Variants in GNG12 observed in about 807,000 individuals in gnomAD.
GNG12 encodes guanine nucleotide-binding protein G(I)/G(S)/G(O) subunit gamma-12.
For synonymous variants in GNG12, 28 were observed against 29.7 expected (o/e 0.94, Z 0.19); for missense variants, 69 against 83.8 (o/e 0.82, Z 0.69).
intron 1 of GNG12, among the ~76,000 whole-genome samples, chr1:67,801,468 A>G (rs150650278): frequency 3.3e-5 from 5 of 152,342 alleles, no homozygotes; most frequent in Non-Finnish European, 7.3e-5. Flanking sequence ...TGATTTCTTC[A>G]AAGTGATAGA....
At chr1:67,798,287 C>T (rs1026401121) in intron 1 of GNG12, among the ~76,000 whole-genome samples, 31 of 152,110 alleles carry the variant, frequency 2.0e-4, no homozygotes, top group Admixed American at 1.6e-3. Context: ...ACTGTGCATG[C>T]GCAGAATCTA....
At chr1:67,792,192 C>T (rs368268589) in intron 1 of GNG12, among the ~76,000 whole-genome samples, 2 of 151,678 alleles carry the variant, frequency 1.3e-5, no homozygotes, top group South Asian at 4.2e-4. Context: ...ATTCCCTCTC[C>T]TTCACTGGAA....
intron 2 of GNG12, among the ~76,000 whole-genome samples, chr1:67,728,908 T>A (rs1203056878): frequency 6.6e-6 from 1 of 152,260 alleles, no homozygotes; most frequent in African/African-American, 2.4e-5. Flanking sequence ...GGCACCACTG[T>A]TGGTAGTTCA....
chr1:67,803,108 T>C (rs1204227211), intron 1 of GNG12, among the ~76,000 whole-genome samples: 1 of 152,234 alleles, frequency 6.6e-6, no homozygotes, highest in Admixed American at 6.5e-5. Flanking sequence ...TCTCAGGGGA[T>C]ACAAGTAAAA....
At chr1:67,771,183 G>A (rs753791846) in intron 2 of GNG12, among the ~76,000 whole-genome samples, 10 of 152,204 alleles carry the variant, frequency 6.6e-5, no homozygotes, top group Non-Finnish European at 1.5e-4. Flanking sequence ...GAATGAAGCT[G>A]AGTCTTAACT....
At chr1:67,819,404 C>T (rs1034028945) in intron 1 of GNG12, among the ~76,000 whole-genome samples, 8 of 152,166 alleles carry the variant, frequency 5.3e-5, no homozygotes, top group Admixed American at 1.3e-4. Flanking sequence ...CTGTGATCTT[C>T]GTTTACTGAA....
intron 2 of GNG12, among the ~76,000 whole-genome samples, chr1:67,725,222 A>G (rs1201558257): frequency 6.6e-6 from 1 of 152,232 alleles, no homozygotes; most frequent in East Asian, 1.9e-4. Context: ...GGAAAGGCCC[A>G]ACACTGTGGT....
chr1:67,811,227 C>T (rs1441388138), intron 1 of GNG12, among the ~76,000 whole-genome samples: 1 of 152,108 alleles, frequency 6.6e-6, no homozygotes, highest in East Asian at 1.9e-4. Flanking sequence ...AAAGCTGATC[C>T]GTGGAACACA....
chr1:67,785,377 ACTT>A (rs1646762132), intron 1 of GNG12, among the ~76,000 whole-genome samples: 1 of 152,182 alleles, frequency 6.6e-6, no homozygotes, highest in East Asian at 1.9e-4. Flanking sequence ...CAAAAATACC[ACTT>A]CTTCTCCCAA....
chr1:67,826,568 T>C (rs901215998), intron 1 of GNG12, among the ~76,000 whole-genome samples: 12 of 152,206 alleles, frequency 7.9e-5, no homozygotes, highest in Admixed American at 4.6e-4. Flanking sequence ...GTGCAGGCCA[T>C]GGTCTAATAA....
At chr1:67,717,892 G>A (rs188402050) in intron 2 of GNG12, among the ~76,000 whole-genome samples, 2 of 152,198 alleles carry the variant, frequency 1.3e-5, no homozygotes, top group Admixed American at 6.5e-5. Flanking sequence ...CACTTATTAC[G>A]CTAAGTTGCT....
chr1:67,747,793 T>C (rs1219380086), intron 2 of GNG12, among the ~76,000 whole-genome samples: 3 of 152,326 alleles, frequency 2.0e-5, no homozygotes, highest in African/African-American at 7.2e-5. Flanking sequence ...ACCACAAAAG[T>C]CACCATCTCT....
intron 1 of GNG12, among the ~76,000 whole-genome samples, chr1:67,805,259 C>T (rs1646888616): frequency 6.6e-6 from 1 of 152,304 alleles, no homozygotes; most frequent in Middle Eastern, 3.4e-3. Flanking sequence ...TATCACATTT[C>T]CTTCATCTGG....
At chr1:67,791,090 C>A (rs1646799756) in intron 1 of GNG12, among the ~76,000 whole-genome samples, 2 of 152,160 alleles carry the variant, frequency 1.3e-5, no homozygotes, top group African/African-American at 4.8e-5. Flanking sequence ...AGAGTTAATT[C>A]TGAAATTCAG....
rs564889623 is a variant in GNG12 at position 67,703,873 on chromosome 1, T to G, written c.*1578A>C. 1 of 152,354 alleles carries G rather than the reference T, an allele frequency of 6.6e-6. No individual in the cohort carries two copies. Among genetic ancestry groups the G allele is most frequent in the East Asian group, 1.9e-4 (1 of 5,188 alleles). The allele number at this position is 152,354 out of a possible 1,614,324, so 9.4% of individuals were successfully genotyped here. A position where few individuals can be genotyped will look rare whatever the true frequency, so the allele number is the denominator to read the frequency against. ...AAGGGGTTTGCTTTCCAGGACAGAT[T>G]GTACAAAATTTGGGAAAATCGTTGT... On this transcript the variant is annotated 3_prime_UTR_variant, in exon 4 of 4. Coordinates refer to ENST00000370982, the MANE Select transcript of GNG12 (RefSeq NM_018841.6).
chr1:67,828,390 C>T (rs1263806868), intron 1 of GNG12, among the ~76,000 whole-genome samples: 1 of 152,190 alleles, frequency 6.6e-6, no homozygotes, highest in Non-Finnish European at 1.5e-5. Flanking sequence ...GCTGGATGCA[C>T]CTCCATCTCC....
chr1:67,780,137 G>A (rs528436121), intron 1 of GNG12, among the ~76,000 whole-genome samples: 1 of 152,232 alleles, frequency 6.6e-6, no homozygotes, highest in South Asian at 2.1e-4. Flanking sequence ...ATTAAAAGCT[G>A]GTTTTTTATG....
chr1:67,756,215 T>G (rs757902582), intron 2 of GNG12, among the ~76,000 whole-genome samples: 15 of 152,156 alleles, frequency 9.9e-5, no homozygotes, highest in Non-Finnish European at 1.9e-4. Flanking sequence ...AGAAGGTTTC[T>G]CAGAAGAGTA....
intron 1 of GNG12, among the ~76,000 whole-genome samples, chr1:67,795,355 C>G (rs1191775985): frequency 6.6e-6 from 1 of 152,166 alleles, no homozygotes; most frequent in East Asian, 1.9e-4. Context: ...CCATGATGAT[C>G]TCTTTTTCAA....
Sources: allele counts gnomAD v4.1 joint callset (sites outside exome capture counted in the v4.1 genomes callset), GRCh38; gene constraint gnomAD v4.1.1; transcripts MANE v1.5; gene names NCBI Gene and HGNC (gene_info 2026-07-23, HGNC 2026-07-21).